Variants in CADM2 observed in about 807,000 individuals in gnomAD.
The protein encoded by CADM2 is cell adhesion molecule 2, also known as immunoglobulin superfamily member 4D.
In CADM2, 12 loss-of-function variants were observed where a neutral mutation model predicts 49.8. The ratio of observed to expected loss-of-function variants is 0.24; its 90% confidence interval spans 0.15 to 0.39. The LOEUF is 0.39. CADM2 is among the 10% of genes least tolerant of loss of function. The pLI, the probability that CADM2 is intolerant of heterozygous loss-of-function variation, is 1.00. For missense variants in CADM2, 378 were observed against 492.3 expected, an observed-to-expected ratio of 0.77 and a Z score of 2.20; for synonymous variants, 214 against 175.4, an observed-to-expected ratio of 1.22 and a Z score of -1.74.
intron 8 of CADM2, among the ~76,000 whole-genome samples, chr3:85,972,655 A>G (rs1322526777): frequency 1.3e-5 from 2 of 151,814 alleles, no homozygotes; most frequent in Non-Finnish European, 2.9e-5. Flanking sequence ...GCCAGAAAAC[A>G]AAACAAGTTG....
chr3:86,007,057 A>T (rs936832389), intron 8 of CADM2, among the ~76,000 whole-genome samples: 3 of 151,798 alleles, frequency 2.0e-5, no homozygotes, highest in African/African-American at 7.3e-5. Context: ...AAAAAATAAA[A>T]ATTAATTAAT....
chr3:85,447,016 A>G, intron 1 of CADM2, among the ~76,000 whole-genome samples: 1 of 139,420 alleles, frequency 7.2e-6, no homozygotes, highest in Non-Finnish European at 1.5e-5. Context: ...ATATATATAT[A>G]TATATATATA....
intron 1 of CADM2, among the ~76,000 whole-genome samples, chr3:85,126,066 A>G (rs947404117): frequency 2.6e-5 from 4 of 152,190 alleles, no homozygotes; most frequent in Admixed American, 2.6e-4. Flanking sequence ...CTATAATTAA[A>G]CATAAATAAA....
intron 3 of CADM2, among the ~76,000 whole-genome samples, chr3:85,821,239 T>C (rs2073543577): frequency 1.3e-5 from 2 of 152,144 alleles, no homozygotes; most frequent in African/African-American, 4.8e-5. Flanking sequence ...AGCTTTGCTC[T>C]CTTTTCCAGG....
intron 3 of CADM2, among the ~76,000 whole-genome samples, chr3:85,859,176 C>T (rs2075424351): frequency 6.8e-6 from 1 of 146,034 alleles, no homozygotes; most frequent in South Asian, 2.2e-4. Flanking sequence ...TGTATGTAAA[C>T]ATAACTGGAA....
At chr3:85,207,659 T>G in intron 1 of CADM2, among the ~76,000 whole-genome samples, 1 of 152,132 alleles carries the variant, frequency 6.6e-6, no homozygotes, top group East Asian at 1.9e-4. Flanking sequence ...ATATGTATGA[T>G]TTAAAGTAGG....
At chr3:85,137,437 A>G (rs1166465823) in intron 1 of CADM2, among the ~76,000 whole-genome samples, 2 of 152,032 alleles carry the variant, frequency 1.3e-5, no homozygotes. Context: ...ATAACAACAC[A>G]ACGTATTTCC....
At chr3:85,783,904 T>G (rs1559654369) in intron 2 of CADM2, among the ~76,000 whole-genome samples, 1 of 152,218 alleles carries the variant, frequency 6.6e-6, no homozygotes, top group Non-Finnish European at 1.5e-5. Flanking sequence ...CCACTTTTTT[T>G]TAAAGTACGA....
At chr3:85,021,210 G>A (rs2034493770) in intron 1 of CADM2, among the ~76,000 whole-genome samples, 1 of 151,370 alleles carries the variant, frequency 6.6e-6, no homozygotes, top group Non-Finnish European at 1.5e-5. Context: ...CAGTGAAATA[G>A]TCCAAATTTT....
At chr3:85,568,671 C>T (rs1210441873) in intron 1 of CADM2, among the ~76,000 whole-genome samples, 2 of 143,724 alleles carry the variant, frequency 1.4e-5, no homozygotes, top group Admixed American at 1.4e-4. Flanking sequence ...GGCAGGATCT[C>T]GGCTCACTGC....
chr3:85,749,683 G>T (rs144858515), intron 2 of CADM2, among the ~76,000 whole-genome samples: 9 of 152,036 alleles, frequency 5.9e-5, no homozygotes, highest in African/African-American at 2.2e-4. Context: ...AGAAATATGT[G>T]GTAGTAACAT....
intron 1 of CADM2, among the ~76,000 whole-genome samples, chr3:85,400,381 G>C (rs1212858049): frequency 6.6e-6 from 1 of 152,152 alleles, no homozygotes; most frequent in African/African-American, 2.4e-5. Context: ...TTGCATCAAT[G>C]TTCATCAGGG....
intron 1 of CADM2, among the ~76,000 whole-genome samples, chr3:85,429,454 A>G (rs2036568117): frequency 6.6e-6 from 1 of 152,122 alleles, no homozygotes; most frequent in African/African-American, 2.4e-5. Context: ...TTAATTATAT[A>G]TCGTTAAATA....
chr3:85,179,377 G>C (rs1300200655), intron 1 of CADM2, among the ~76,000 whole-genome samples: 1 of 151,968 alleles, frequency 6.6e-6, no homozygotes, highest in Non-Finnish European at 1.5e-5. Context: ...TTCTTATAAT[G>C]TGCATGAGAT....
At chr3:84,982,706 T>TATATATATAC (rs2032263409) in intron 1 of CADM2, among the ~76,000 whole-genome samples, 1 of 86,872 alleles carries the variant, frequency 1.2e-5, no homozygotes, top group Non-Finnish European at 2.6e-5. Flanking sequence ...ATAAAGCATA[T>TATATATATAC]ATATATATAT....
intron 1 of CADM2, among the ~76,000 whole-genome samples, chr3:85,295,969 C>T (rs1016566796): frequency 6.6e-6 from 1 of 151,076 alleles, no homozygotes; most frequent in Non-Finnish European, 1.5e-5. Context: ...AGTAGTAAAC[C>T]TAGTATATAA....
intron 1 of CADM2, among the ~76,000 whole-genome samples, chr3:85,021,131 A>C (rs1367558281): frequency 1.3e-5 from 2 of 150,996 alleles, no homozygotes; most frequent in Non-Finnish European, 2.9e-5. Context: ...AAAAAAAAAA[A>C]AAGGGGGAAA....
chr3:85,432,099 G>C (rs1398126000), intron 1 of CADM2, among the ~76,000 whole-genome samples: 2 of 150,552 alleles, frequency 1.3e-5, no homozygotes, highest in African/African-American at 4.9e-5. Context: ...AAAAGAGATT[G>C]AAAAAACAAA....
chr3:85,281,652 CTAAA>C (rs1372444739), intron 1 of CADM2, among the ~76,000 whole-genome samples: 7 of 152,006 alleles, frequency 4.6e-5, no homozygotes, highest in South Asian at 2.1e-4. Context: ...AAAGAGTTCA[CTAAA>C]TAGATTCAAC....
Sources: gnomAD v4.1 joint callset for allele counts (sites outside exome capture counted in the v4.1 genomes callset) on GRCh38, gnomAD v4.1.1 for gene constraint, MANE v1.5 for transcripts, NCBI Gene and HGNC (gene_info 2026-07-23, HGNC 2026-07-21) for gene names.